Variants in SLC30A8 observed in about 807,000 individuals in gnomAD.
SLC30A8 encodes the protein solute carrier family 30 member 8.
In SLC30A8, 27 loss-of-function variants were observed where a neutral mutation model predicts 36.9. The ratio of observed to expected loss-of-function variants is 0.73; its 90% CI spans 0.54 to 1.01. SLC30A8 has a LOEUF of 1.01. Among genes scored for constraint, SLC30A8 ranks in the 50% least tolerant of loss-of-function variants. SLC30A8 has a pLI of 0.00. For synonymous variants in SLC30A8, 164 were observed against 172.4 expected, an observed-to-expected ratio of 0.95 and a Z score of 0.38; for missense variants, 439 against 452.0, an observed-to-expected ratio of 0.97 and a Z score of 0.26.
At chr8:116,990,529 T>C (rs1815600174) in intron 1 of SLC30A8, among the ~76,000 whole-genome samples, 1 of 152,144 alleles carries the variant, frequency 6.6e-6, no homozygotes. Flanking sequence ...CTACAAAATA[T>C]CTGACCAGTA....
chr8:116,983,316 T>C (rs1815339006), intron 1 of SLC30A8, among the ~76,000 whole-genome samples: 1 of 152,152 alleles, frequency 6.6e-6, no homozygotes, highest in South Asian at 2.1e-4. Flanking sequence ...GTGAGTCTTT[T>C]AGGGCAAAAT....
chr8:117,026,981 C>G (rs1816895378), intron 1 of SLC30A8, among the ~76,000 whole-genome samples: 1 of 152,028 alleles, frequency 6.6e-6, no homozygotes, highest in African/African-American at 2.4e-5. Flanking sequence ...ATTACCCTAA[C>G]ACTTTGGTTG....
At chr8:117,092,776 A>G (rs1426378199) in intron 2 of SLC30A8, among the ~76,000 whole-genome samples, 1 of 152,148 alleles carries the variant, frequency 6.6e-6, no homozygotes, top group East Asian at 1.9e-4. Flanking sequence ...CACTGAGATA[A>G]GGCTCCCAAG....
chr8:116,991,456 C>T (rs556734752), intron 1 of SLC30A8, among the ~76,000 whole-genome samples: 3 of 152,072 alleles, frequency 2.0e-5, no homozygotes, highest in South Asian at 2.1e-4. Context: ...AGGCACCCGC[C>T]ACCACACCTG....
rs531945771 is a variant in SLC30A8 at position 117,136,295 on chromosome 8, A to G, written c.71+897A>G. Among the ~76,000 whole-genome samples, 7 of 152,150 alleles carry G rather than the reference A, an allele frequency of 4.6e-5. No individual in the cohort carries two copies. The South Asian group carries it at 1.5e-3, about 32-fold the overall frequency. On this transcript the variant is annotated intron_variant, in intron 1 of 7. Coordinates refer to ENST00000456015, the MANE Select transcript of SLC30A8 (RefSeq NM_173851.3). ...CAGTAAATATACTTTCACATACATA[A>G]GAATGTGAGCTTGGTTTGTTTGAGG...
intron 1 of SLC30A8, among the ~76,000 whole-genome samples, chr8:116,972,516 G>T (rs140814571): frequency 6.6e-6 from 1 of 152,202 alleles, no homozygotes; most frequent in Non-Finnish European, 1.5e-5. Flanking sequence ...TTCCGATGTA[G>T]GTTTTTCACC....
intron 2 of SLC30A8, among the ~76,000 whole-genome samples, chr8:117,054,919 A>G (rs1435693061): frequency 6.6e-6 from 1 of 151,928 alleles, no homozygotes; most frequent in Non-Finnish European, 1.5e-5. Flanking sequence ...GAAAATATGT[A>G]TTTTTTTTGA....
At chr8:116,958,578 G>A (rs565949557) in intron 1 of SLC30A8, among the ~76,000 whole-genome samples, 6 of 151,652 alleles carry the variant, frequency 4.0e-5, no homozygotes, top group Non-Finnish European at 7.4e-5. Context: ...GTAGTGTGTC[G>A]GCTGCATTTA....
chr8:117,133,086 AT>A (rs1421115690), upstream of SLC30A8, among the ~76,000 whole-genome samples: 1 of 152,012 alleles, frequency 6.6e-6, no homozygotes, highest in Non-Finnish European at 1.5e-5. Flanking sequence ...CCACACATAT[AT>A]TTTAGGTATC....
At chr8:116,955,583 A>ATTTTATAGGCAT (rs1814164275) in intron 1 of SLC30A8, among the ~76,000 whole-genome samples, 1 of 152,092 alleles carries the variant, frequency 6.6e-6, no homozygotes, top group African/African-American at 2.4e-5. Flanking sequence ...TATAAAAATT[A>ATTTTATAGGCAT]GCCAGACGTG....
chr8:116,957,071 C>T (rs894891229), intron 1 of SLC30A8, among the ~76,000 whole-genome samples: 1 of 151,782 alleles, frequency 6.6e-6, no homozygotes, highest in African/African-American at 2.4e-5. Flanking sequence ...TAAGAAAGAC[C>T]CTGTCAGGGT....
intron 2 of SLC30A8, among the ~76,000 whole-genome samples, chr8:117,102,378 T>C (rs532283279): frequency 6.6e-6 from 1 of 152,308 alleles, no homozygotes; most frequent in Non-Finnish European, 1.5e-5. Context: ...CATAATTCTT[T>C]TATTAGTTAC....
chr8:117,155,509 T>G (rs1357919022), intron 3 of SLC30A8, among the ~76,000 whole-genome samples: 1 of 152,156 alleles, frequency 6.6e-6, no homozygotes, highest in Non-Finnish European at 1.5e-5. Flanking sequence ...GTTTGCTATA[T>G]GTTATATTAG....
intron 6 of SLC30A8, among the ~76,000 whole-genome samples, chr8:117,165,819 T>C (rs116388412): frequency 0.031 from 4,651 of 152,298 alleles, 208 homozygotes; most frequent in African/African-American, 0.092. Context: ...TGAAATCCTG[T>C]TATTTGCAGA....
At chr8:117,157,114 C>T (rs78064780) in intron 3 of SLC30A8, among the ~76,000 whole-genome samples, 4,030 of 152,254 alleles carry the variant, frequency 0.026, 74 homozygotes, top group Admixed American at 0.044. Context: ...GCTTCTTTTT[C>T]GTACTGTTGC....
chr8:117,031,894 G>A (rs1817062987), intron 1 of SLC30A8, among the ~76,000 whole-genome samples: 2 of 152,170 alleles, frequency 1.3e-5, no homozygotes, highest in African/African-American at 4.8e-5. Flanking sequence ...GCTCTTCAAG[G>A]AGATGGTCAA....
At position 117,054,098 on chromosome 8, in the gene SLC30A8, C is replaced by CTT. The variant is rs4060800; in HGVS notation, c.-226+14857_-226+14858dup. ...CATACACTAAATGTACTGCAAAAAT[C>CTT]TTTTTTTTTTTTTTTTTTGAGACAG... On this transcript the variant is annotated intron_variant, in intron 2 of 10. Transcript: ENST00000427715. Among the ~76,000 whole-genome samples, 51 of 124,138 alleles carry CTT rather than the reference C, an allele frequency of 4.1e-4. No individual in the cohort carries two copies. The East Asian group carries it at 6.7e-3, about 16-fold the overall frequency. 81.4% of individuals were successfully genotyped at this position (124,138 alleles called of 152,430 possible). A position where few individuals can be genotyped will look rare whatever the true frequency, so the allele number is the denominator to read the frequency against.
At chr8:117,064,325 A>G (rs945509171) in intron 2 of SLC30A8, among the ~76,000 whole-genome samples, 2 of 152,138 alleles carry the variant, frequency 1.3e-5, no homozygotes, top group African/African-American at 4.8e-5. Context: ...TGTTTATTCA[A>G]GAAGACTCAA....
At chr8:117,102,537 C>A (rs1819772014) in intron 2 of SLC30A8, among the ~76,000 whole-genome samples, 1 of 152,080 alleles carries the variant, frequency 6.6e-6, no homozygotes. Flanking sequence ...TCCAAAGAAA[C>A]AGAAATCTAT....
Sources: allele counts gnomAD v4.1 joint callset (sites outside exome capture counted in the v4.1 genomes callset), GRCh38; gene constraint gnomAD v4.1.1; transcripts MANE v1.5; gene names NCBI Gene and HGNC (gene_info 2026-07-23, HGNC 2026-07-21).